The following PDE1C variants were observed in gnomAD, a reference collection of about 807,000 sequenced individuals.
The protein encoded by PDE1C is dual specificity calcium/calmodulin-dependent 3',5'-cyclic nucleotide phosphodiesterase 1C.
Under a neutral mutation model 93.1 loss-of-function variants are expected in PDE1C, and 62 were observed. That is an observed-to-expected ratio of 0.67 (90% CI 0.54 to 0.82). PDE1C has a LOEUF of 0.82. Ranked by LOEUF, PDE1C falls within the 40% of genes least tolerant of loss-of-function variation. The probability of loss-of-function intolerance (pLI) is 0.00; values close to 1 mark genes in which losing one functional copy is unlikely to be tolerated. For missense variants in PDE1C, 742 were observed against 884.6 expected (o/e 0.84, Z 2.04); for synonymous variants, 325 against 310.1 (o/e 1.05, Z -0.50).
At chr7:31,724,048 G>A in the PDE1C span, among the ~76,000 whole-genome samples, 1 of 152,154 alleles carries the variant, frequency 6.6e-6, no homozygotes, top group Non-Finnish European at 1.5e-5. Context: ...TATTTTTTAT[G>A]TCTGAACTCA....
At chr7:32,239,309 C>G (rs1808373363) in intron 1 of PDE1C, among the ~76,000 whole-genome samples, 1 of 152,138 alleles carries the variant, frequency 6.6e-6, no homozygotes, top group Admixed American at 6.6e-5. Context: ...GAGAGGATTG[C>G]TTGAACCTAG....
At chr7:31,681,863 C>G in the PDE1C span, among the ~76,000 whole-genome samples, 165 of 152,236 alleles carry the variant, frequency 1.1e-3, no homozygotes, top group Non-Finnish European at 3.8e-4. Flanking sequence ...ATGAAATTCA[C>G]CAAGGAAGTC....
chr7:32,121,048 G>C (rs1799274181), intron 3 of PDE1C, among the ~76,000 whole-genome samples: 1 of 152,016 alleles, frequency 6.6e-6, no homozygotes, highest in South Asian at 2.1e-4. Context: ...GACTTGATGG[G>C]GCTGAAAAAC....
chr7:32,205,365 G>A (rs4723130), intron 2 of PDE1C, among the ~76,000 whole-genome samples: 51,896 of 152,088 alleles, frequency 0.34, 9,449 homozygotes, highest in Admixed American at 0.46. Context: ...TTCTGGGTTG[G>A]GTGAGGACTT....
intron 2 of PDE1C, among the ~76,000 whole-genome samples, chr7:32,196,309 T>C (rs73104579): frequency 0.12 from 18,494 of 152,178 alleles, 1,169 homozygotes; most frequent in South Asian, 0.19. Flanking sequence ...GTGTTTATTA[T>C]CTAAAAGTTT....
At chr7:32,393,833 C>T (rs1195502200) in intron 1 of PDE1C, among the ~76,000 whole-genome samples, 1 of 152,150 alleles carries the variant, frequency 6.6e-6, no homozygotes, top group Non-Finnish European at 1.5e-5. Context: ...TTTTTTCCAA[C>T]ACTAAAGTCA....
chr7:31,679,896 G>A, the PDE1C span, among the ~76,000 whole-genome samples: 1 of 152,078 alleles, frequency 6.6e-6, no homozygotes, highest in Non-Finnish European at 1.5e-5. Context: ...TCAGAATCTG[G>A]GCAATTCTCA....
At chr7:31,691,388 C>T in the PDE1C span, among the ~76,000 whole-genome samples, 5 of 152,118 alleles carry the variant, frequency 3.3e-5, no homozygotes, top group South Asian at 4.1e-4. Flanking sequence ...ATTGGTTGGG[C>T]GATTTTAATC....
intron 1 of PDE1C, among the ~76,000 whole-genome samples, chr7:32,062,005 C>G (rs1794867470): frequency 6.6e-6 from 1 of 152,086 alleles, no homozygotes; most frequent in African/African-American, 2.4e-5. Flanking sequence ...ATCTCCAGAC[C>G]TGTTTAATCT....
At chr7:32,298,052 CT>C (rs1812733637) in intron 1 of PDE1C, among the ~76,000 whole-genome samples, 3 of 74,968 alleles carry the variant, frequency 4.0e-5, no homozygotes, top group East Asian at 4.2e-4. Context: ...CTCTCTCTCT[CT>C]CTCTCTCTCT....
At chr7:32,362,098 A>G (rs902809237) in intron 1 of PDE1C, among the ~76,000 whole-genome samples, 8 of 152,238 alleles carry the variant, frequency 5.3e-5, no homozygotes, top group African/African-American at 1.9e-4. Flanking sequence ...GCGCTCCCCC[A>G]GGGCGGGGAG....
chr7:32,099,973 G>T (rs1270323313), intron 3 of PDE1C, among the ~76,000 whole-genome samples: 1 of 151,724 alleles, frequency 6.6e-6, no homozygotes, highest in Non-Finnish European at 1.5e-5. Flanking sequence ...AGCAGTTGTT[G>T]TACCTTCTAC....
At chr7:31,859,363 T>C (rs1421728517) in intron 7 of PDE1C, among the ~76,000 whole-genome samples, 6 of 149,194 alleles carry the variant, frequency 4.0e-5, no homozygotes, top group African/African-American at 7.3e-5. Context: ...GCCATATATA[T>C]AGCCAATGGT....
chr7:32,314,906 C>T (rs1397847748), intron 1 of PDE1C, among the ~76,000 whole-genome samples: 1 of 151,644 alleles, frequency 6.6e-6, no homozygotes, highest in Non-Finnish European at 1.5e-5. Flanking sequence ...CCAGCTTATT[C>T]ACCTCAAATT....
intron 17 of PDE1C, among the ~76,000 whole-genome samples, chr7:31,757,891 C>T (rs1583945767): frequency 6.6e-6 from 1 of 152,124 alleles, no homozygotes; most frequent in Admixed American, 6.5e-5. Context: ...AGACTTGGAA[C>T]CAACCCAAAT....
the PDE1C span, among the ~76,000 whole-genome samples, chr7:31,738,871 GGTGA>G: frequency 2.0e-5 from 3 of 152,110 alleles, no homozygotes; most frequent in Admixed American, 2.0e-4. Context: ...CTCAGGATGT[GGTGA>G]GTATGTGATG....
chr7:32,003,444 C>T (rs1404134203), intron 2 of PDE1C, among the ~76,000 whole-genome samples: 3 of 152,208 alleles, frequency 2.0e-5, no homozygotes, highest in Non-Finnish European at 4.4e-5. Flanking sequence ...TCAGATGCAA[C>T]TGTGTGGTTC....
chr7:32,071,455 G>T, upstream of PDE1C: 1 of 980,990 alleles, frequency 1.0e-6, no homozygotes, highest in Non-Finnish European at 1.2e-6. Context: ...TCTCTCGCTC[G>T]CGCTCTCTCT....
chr7:32,062,755 T>A (rs990184730), intron 1 of PDE1C, among the ~76,000 whole-genome samples: 1 of 152,178 alleles, frequency 6.6e-6, no homozygotes, highest in Non-Finnish European at 1.5e-5. Flanking sequence ...GCCTTTGTCT[T>A]GTTTCCCACT....
Sources: gnomAD v4.1 joint callset for allele counts (sites outside exome capture counted in the v4.1 genomes callset) on GRCh38, gnomAD v4.1.1 for gene constraint, MANE v1.5 for transcripts, NCBI Gene and HGNC (gene_info 2026-07-23, HGNC 2026-07-21) for gene names.